Variants in ERICH1 observed in about 807,000 individuals in gnomAD.
The protein encoded by ERICH1 is glutamate-rich protein 1.
Under a neutral mutation model 39.6 loss-of-function variants are expected in ERICH1, and 56 were observed. The ratio of observed to expected loss-of-function variants is 1.41; its 90% CI spans 1.14 to 1.77. The LOEUF (loss-of-function observed/expected upper bound fraction) is 1.77. ERICH1 is among the 40% of genes most tolerant of loss of function. ERICH1 has a pLI of 0.00. For missense variants in ERICH1, 826 were observed against 575.4 expected, an observed-to-expected ratio of 1.44 and a Z score of -4.45; for synonymous variants, 313 against 223.6, an observed-to-expected ratio of 1.40 and a Z score of -3.57.
chr8:627,225 T>C (rs1285086166), intron 3 of ERICH1: 4 of 456,224 alleles, frequency 8.8e-6, no homozygotes, highest in South Asian at 6.2e-5. Context: ...CTCTCTGAGC[T>C]TCAGACTTCC....
At chr8:642,299 G>A (rs940897998) in intron 3 of ERICH1, among the ~76,000 whole-genome samples, 18 of 148,574 alleles carry the variant, frequency 1.2e-4, no homozygotes, top group Non-Finnish European at 3.0e-5. Flanking sequence ...GGGAACTGCT[G>A]CAAAGAACAT....
At chr8:643,897 G>A (rs1355296086) in intron 3 of ERICH1, among the ~76,000 whole-genome samples, 8 of 152,228 alleles carry the variant, frequency 5.3e-5, no homozygotes, top group Non-Finnish European at 1.0e-4. Flanking sequence ...AAGGAGGCAC[G>A]GACTCAGCGC....
rs554893238 is a variant in ERICH1 at position 700,970 on chromosome 8, C to T, written c.170-8358G>A. Among the ~76,000 whole-genome samples the T allele has an allele frequency of 2.6e-5, 4 of 152,364 alleles. No homozygotes were observed. In the South Asian group the frequency reaches 8.3e-4, roughly 32 times the overall value. ...CCAAAAATGACAGAGGAAAAGCAGC[C>T]GAGAGGAAGTGCAGGTGCCAACCAC... On this transcript the variant is annotated intron_variant, in intron 2 of 5. Coordinates refer to ENST00000262109, the MANE Select transcript of ERICH1 (RefSeq NM_207332.3).
chr8:620,118 C>T (rs1242438571), intron 3 of ERICH1, among the ~76,000 whole-genome samples: 1 of 151,588 alleles, frequency 6.6e-6, no homozygotes, highest in Non-Finnish European at 1.5e-5. Flanking sequence ...TCGAAACCAG[C>T]CTGATCAACA....
chr8:674,799 G>A (rs1465596085), intron 3 of ERICH1, among the ~76,000 whole-genome samples: 1 of 152,210 alleles, frequency 6.6e-6, no homozygotes, highest in African/African-American at 2.4e-5. Flanking sequence ...GTTTTGACAC[G>A]AAGCTAAGCT....
At chr8:704,882 C>G (rs956119306) in intron 2 of ERICH1, among the ~76,000 whole-genome samples, 8 of 152,060 alleles carry the variant, frequency 5.3e-5, no homozygotes, top group Non-Finnish European at 1.2e-4. Context: ...GAGTGATGGG[C>G]AGAACATTGC....
intron 3 of ERICH1, among the ~76,000 whole-genome samples, chr8:623,967 G>A (rs1364474901): frequency 1.3e-5 from 2 of 152,132 alleles, no homozygotes; most frequent in African/African-American, 4.8e-5. Context: ...ACAACATACA[G>A]AATGGGAGAA....
At chr8:724,668 T>G (rs1174031969) in intron 1 of ERICH1, among the ~76,000 whole-genome samples, 2 of 152,192 alleles carry the variant, frequency 1.3e-5, no homozygotes, top group Non-Finnish European at 2.9e-5. Context: ...CCAGATAAAC[T>G]ACACCTTTTA....
chr8:672,659 G>T (rs1415471339), intron 4 of ERICH1, among the ~76,000 whole-genome samples: 1 of 152,192 alleles, frequency 6.6e-6, no homozygotes, highest in Non-Finnish European at 1.5e-5. Context: ...CTGTTCTGGG[G>T]CAGCCACGTG....
intron 1 of ERICH1, among the ~76,000 whole-genome samples, chr8:721,514 C>T (rs532228833): frequency 3.5e-4 from 54 of 152,350 alleles, no homozygotes; most frequent in African/African-American, 1.3e-3. Context: ...GGCCCAGGCA[C>T]TCAGGGCCTT....
chr8:620,020 A>G (rs769981424), intron 3 of ERICH1, among the ~76,000 whole-genome samples: 57 of 152,348 alleles, frequency 3.7e-4, no homozygotes, highest in Middle Eastern at 3.4e-3. Flanking sequence ...GACATATACA[A>G]AACAAAAAGT....
chr8:682,402 C>T (rs79927500), intron 3 of ERICH1, among the ~76,000 whole-genome samples: 5,536 of 152,312 alleles, frequency 0.036, 107 homozygotes, highest in African/African-American at 0.046. Flanking sequence ...GTGCTCTATG[C>T]TCTGGCGTCC....
intron 2 of ERICH1, among the ~76,000 whole-genome samples, chr8:697,869 T>G (rs1810714545): frequency 6.6e-6 from 1 of 152,196 alleles, no homozygotes; most frequent in African/African-American, 2.4e-5. Context: ...CTTGAGCCCC[T>G]GGGAGAGGCC....
At chr8:615,489 G>A in intron 3 of ERICH1, 1 of 457,818 alleles carries the variant, frequency 2.2e-6, no homozygotes, top group East Asian at 3.5e-5. Context: ...TACGAGGCCT[G>A]GGTGCACTGA....
chr8:655,351 G>C (rs558499982), intron 3 of ERICH1, among the ~76,000 whole-genome samples: 53 of 152,362 alleles, frequency 3.5e-4, no homozygotes, highest in African/African-American at 1.3e-3. Context: ...AATTAAGCCT[G>C]CAGAGAGGAT....
intron 3 of ERICH1, among the ~76,000 whole-genome samples, chr8:674,455 A>G (rs556469898): frequency 6.6e-6 from 1 of 152,156 alleles, no homozygotes; most frequent in South Asian, 2.1e-4. Flanking sequence ...GGCAAGCACC[A>G]CCATGCCCAG....
chr8:709,280 G>C (rs191671495), intron 2 of ERICH1, among the ~76,000 whole-genome samples: 29 of 152,280 alleles, frequency 1.9e-4, no homozygotes, highest in African/African-American at 6.5e-4. Flanking sequence ...AAGGGCATCA[G>C]ACTTGACAGA....
At chr8:711,686 A>C (rs1449736273) in intron 2 of ERICH1, among the ~76,000 whole-genome samples, 1 of 151,980 alleles carries the variant, frequency 6.6e-6, no homozygotes, top group Non-Finnish European at 1.5e-5. Flanking sequence ...TTTATTAGAG[A>C]CAGGGTTTCA....
intron 3 of ERICH1, chr8:656,701 G>A (rs1003706864): frequency 8.8e-5 from 85 of 964,286 alleles, no homozygotes; most frequent in Non-Finnish European, 9.7e-5. Context: ...CCCCATTCAC[G>A]CTGTGTCTTT....
Sources: gnomAD v4.1 joint callset for allele counts (sites outside exome capture counted in the v4.1 genomes callset) on GRCh38, gnomAD v4.1.1 for gene constraint, MANE v1.5 for transcripts, NCBI Gene and HGNC (gene_info 2026-07-23, HGNC 2026-07-21) for gene names.